PPAT: variants seen among roughly 807,000 people sequenced by gnomAD.
PPAT encodes phosphoribosyl pyrophosphate amidotransferase, also known as amidophosphoribosyltransferase.
PPAT carries 20 observed loss-of-function variants against 60.2 expected under a neutral mutation model. The ratio of observed to expected loss-of-function variants is 0.33; its 90% CI spans 0.23 to 0.48. The LOEUF is 0.48. Among genes scored for constraint, PPAT ranks in the 20% least tolerant of loss-of-function variants. The pLI, the probability that PPAT is intolerant of heterozygous loss-of-function variation, is 0.99. For missense variants in PPAT, 349 were observed against 629.6 expected, an observed-to-expected ratio of 0.55 and a Z score of 4.77; for synonymous variants, 194 against 215.1, an observed-to-expected ratio of 0.90 and a Z score of 0.86.
Position 56,400,924 on chromosome 4 carries a change from G to A in PPAT, c.887-13C>T. On this transcript the variant is annotated splice_polypyrimidine_tract_variant and intron_variant, in intron 7 of 10. Coordinates refer to ENST00000264220, the MANE Select transcript of PPAT (RefSeq NM_002703.5). ...TAAACCATTTGGTCTGGTGTGTTTG[G>A]AAAAGGAGAGAGAGTATTTTTACTT... 6.2e-7 allele frequency: 1 copy of A among 1,603,106 alleles called. No individual in the cohort carries two copies.
chr4:56,400,283 A>G (rs1716080383), intron 8 of PPAT: 1 of 152,226 alleles, frequency 6.6e-6, no homozygotes, highest in Non-Finnish European at 1.5e-5. Context: ...CCTCCTTATG[A>G]TTTTCTTCAA....
At chr4:56,422,168 G>A (rs1310936990) in intron 1 of PPAT, 1 of 152,164 alleles carries the variant, frequency 6.6e-6, no homozygotes, top group African/African-American at 2.4e-5. Context: ...CAGCTACTCG[G>A]GAGGCTGAGG....
chr4:56,417,815 C>T (rs76939725), intron 1 of PPAT, among the ~76,000 whole-genome samples: 3,547 of 147,338 alleles, frequency 0.024, 163 homozygotes, highest in African/African-American at 0.084. Flanking sequence ...GATTAATCTT[C>T]GGTATAATTT....
rs1716745714 is a variant in PPAT, at chr4:56,416,286, A to T, written c.129-8570T>A. The T allele has an allele frequency of 1.7e-5, 3 of 178,578 alleles. No individual in the cohort carries two copies. In the South Asian group the frequency reaches 5.7e-4, roughly 34 times the overall value. 11.1% of individuals were successfully genotyped at this position (178,578 alleles called of 1,614,324 possible). A position where few individuals can be genotyped will look rare whatever the true frequency, so the allele number is the denominator to read the frequency against. The stretch of plus-strand genomic sequence containing the variant: ...AATCTGTTTTCAAGAATATGACCAC[A>T]TTTAGCTAAAGCTATTAGAATTATC... On this transcript the variant is annotated intron_variant, in intron 1 of 10. Transcript: ENST00000264220.
intron 10 of PPAT, 125 bp from the exon 11 acceptor site, chr4:56,395,673 T>C: frequency 1.6e-6 from 1 of 636,828 alleles, no homozygotes; most frequent in South Asian, 6.6e-5. Flanking sequence ...TAGCCTTTCT[T>C]TAAAAAAAAA....
At chr4:56,434,110 A>T (rs1170810646) in intron 1 of PPAT, among the ~76,000 whole-genome samples, 1 of 152,246 alleles carries the variant, frequency 6.6e-6, no homozygotes, top group Non-Finnish European at 1.5e-5. Flanking sequence ...AAAAACAAGA[A>T]ATCTATTATG....
chr4:56,435,097 G>T (rs562182914), intron 1 of PPAT, among the ~76,000 whole-genome samples: 3 of 152,212 alleles, frequency 2.0e-5, no homozygotes, highest in African/African-American at 7.2e-5. Flanking sequence ...GCACACACCG[G>T]GGGGCGGGGA....
Position 56,419,441 on chromosome 4 carries a change from A to G in PPAT, c.129-11725T>C, listed in dbSNP as rs147104960. 8.7e-3 allele frequency among the ~76,000 whole-genome samples: 1,318 copies of G among 152,308 alleles called. 15 individuals carry two copies. Among genetic ancestry groups the G allele is most frequent in the Non-Finnish European group, 8.7e-3 (589 of 68,034 alleles). ...AAGCCAGTAACCGGCATAATAATGGACAGATTTAGGTTCTGTATTTTGTTT... is the reference window on the plus strand; with the variant it reads ...AAGCCAGTAACCGGCATAATAATGGGCAGATTTAGGTTCTGTATTTTGTTT... On this transcript the variant is annotated intron_variant, in intron 1 of 10. Transcript: ENST00000264220.
At chr4:56,408,868 G>T (rs191939872) in intron 1 of PPAT, among the ~76,000 whole-genome samples, 17 of 151,982 alleles carry the variant, frequency 1.1e-4, no homozygotes, top group Admixed American at 1.1e-3. Flanking sequence ...CCCTTCCCCA[G>T]AAGAACCACC....
Position 56,426,380 on chromosome 4 carries a change from C to T in PPAT, c.128+8970G>A, listed in dbSNP as rs917889030. Reference sequence around the variant, plus strand: ...TCACACCACTGCACTCCAGCCTGGGCGACTGAGCAAGACTCTGTCTCAAAA... The same window carrying T: ...TCACACCACTGCACTCCAGCCTGGGTGACTGAGCAAGACTCTGTCTCAAAA... On this transcript the variant is annotated intron_variant, in intron 1 of 10. Transcript: ENST00000264220. Among the ~76,000 whole-genome samples the T allele has an allele frequency of 5.3e-5, 8 of 151,772 alleles. 1 individual carries two copies. The highest frequency in any genetic ancestry group is 6.8e-3 in the Middle Eastern group (2 of 292).
Position 56,399,442 on chromosome 4 carries a change from A to G in PPAT, c.1015-42T>C, listed in dbSNP as rs377635907. The G allele has an allele frequency of 3.5e-5, 49 of 1,396,152 alleles. No individual in the cohort carries two copies. The African/African-American group carries it at 6.2e-4, about 18-fold the overall frequency. The allele number at this position is 1,396,152 out of a possible 1,614,324, so 86.5% of individuals were successfully genotyped here. Reference sequence around the variant, plus strand: ...GAAAGGATAATGAGGAGTAATATACAGAATAGGCAAATATTTTCTCTAGGT... The same window carrying G: ...GAAAGGATAATGAGGAGTAATATACGGAATAGGCAAATATTTTCTCTAGGT... On this transcript the variant is annotated intron_variant, in intron 8 of 10. Coordinates refer to ENST00000264220, the MANE Select transcript of PPAT (RefSeq NM_002703.5).
intron 1 of PPAT, among the ~76,000 whole-genome samples, chr4:56,427,569 G>A (rs1391861052): frequency 6.6e-6 from 1 of 151,892 alleles, no homozygotes; most frequent in Non-Finnish European, 1.5e-5. Context: ...CTACTTGGGA[G>A]GCTGAGGCAG....
At chr4:56,406,805 C>T in intron 2 of PPAT, 104 bp from the exon 3 acceptor site, 1 of 751,130 alleles carries the variant, frequency 1.3e-6, no homozygotes, top group Non-Finnish European at 2.1e-6. Flanking sequence ...CAAAGAAGTA[C>T]ATTTAATATC....
chr4:56,407,379 C>T (rs565628098), intron 2 of PPAT, among the ~76,000 whole-genome samples: 2 of 151,352 alleles, frequency 1.3e-5, no homozygotes, highest in Admixed American at 1.3e-4. Context: ...AGTACAATGG[C>T]GCAATATCAG....
intron 1 of PPAT, among the ~76,000 whole-genome samples, chr4:56,423,762 ATTATT>A (rs1560648476): frequency 1.3e-5 from 2 of 152,124 alleles, no homozygotes; most frequent in African/African-American, 2.4e-5. Flanking sequence ...TAGAGATTAT[ATTATT>A]TTAAACTGTC....
chr4:56,397,021 T>C (rs1440300353), intron 9 of PPAT: 1 of 224,090 alleles, frequency 4.5e-6, no homozygotes. Context: ...TCTTACCATT[T>C]TAAAAAGAAA....
At chr4:56,416,420 G>A in intron 1 of PPAT, 1 of 826,958 alleles carries the variant, frequency 1.2e-6, no homozygotes, top group Non-Finnish European at 1.5e-6. Context: ...GGTTTCTCAT[G>A]TCAGACCAAT....
At chr4:56,423,477 T>G (rs1717141527) in intron 1 of PPAT, 1 of 151,912 alleles carries the variant, frequency 6.6e-6, no homozygotes, top group Admixed American at 6.6e-5. Context: ...AAATAAAATT[T>G]TAAAAAATAA....
intron 1 of PPAT, chr4:56,410,929 G>GA (rs1165432112): frequency 5.1e-6 from 2 of 390,662 alleles, no homozygotes; most frequent in African/African-American, 9.0e-5. Context: ...AAAAAAAAAA[G>GA]AAAAGTACTC....
Sources: gnomAD v4.1 joint callset for allele counts (sites outside exome capture counted in the v4.1 genomes callset) on GRCh38, gnomAD v4.1.1 for gene constraint, MANE v1.5 for transcripts, NCBI Gene and HGNC (gene_info 2026-07-23, HGNC 2026-07-21) for gene names.